Variants in LAMA2 observed in about 807,000 individuals in gnomAD.
LAMA2 encodes laminin subunit alpha-2.
A neutral mutation model predicts 364.8 loss-of-function variants in LAMA2; 269 were observed. The observed-to-expected ratio is 0.74, with a 90% CI of 0.67 to 0.82. The LOEUF is 0.82. Ranked by LOEUF, LAMA2 falls within the 40% of genes least tolerant of loss-of-function variation. LAMA2 has a pLI of 0.00. For synonymous variants in LAMA2, 1,379 were observed against 1,370.6 expected (o/e 1.01, Z -0.14); for missense variants, 3,807 against 3,873.2 (o/e 0.98, Z 0.45).
intron 58 of LAMA2, among the ~76,000 whole-genome samples, chr6:129,499,592 TA>T (rs1785464440): frequency 6.6e-6 from 1 of 152,136 alleles, no homozygotes; most frequent in African/African-American, 2.4e-5. Flanking sequence ...TTTAAAATGC[TA>T]GAAGGAAAAA....
Position 129,149,177 on chromosome 6 carries a change from C to T in LAMA2, c.1027+81C>T, listed in dbSNP as rs1433458286. The stretch of plus-strand genomic sequence containing the variant: ...CCAGTAATGAAAAATAGTGAAATGG[C>T]TGGTTATGCAAATGTGTCAACAAAT... On this transcript the variant is annotated intron_variant, in intron 7 of 64. Coordinates refer to ENST00000421865, the MANE Select transcript of LAMA2 (RefSeq NM_000426.4). 11 of 864,008 alleles carry T rather than the reference C, an allele frequency of 1.3e-5. No homozygotes were observed. The East Asian group carries it at 1.9e-4, about 15-fold the overall frequency. 53.5% of individuals were successfully genotyped at this position (864,008 alleles called of 1,614,324 possible).
chr6:129,329,393 T>G (rs893478657), intron 29 of LAMA2, among the ~76,000 whole-genome samples: 6 of 151,980 alleles, frequency 3.9e-5, no homozygotes, highest in Non-Finnish European at 7.4e-5. Flanking sequence ...AGATGCTGAC[T>G]CACTCTGTCG....
In LAMA2 at chr6:129,391,735, G is replaced by A. The variant is rs540078865; in HGVS notation, c.5234+82G>A. The A allele has an allele frequency of 5.6e-4, 685 of 1,219,474 alleles. 11 individuals carry two copies. In the South Asian group the frequency reaches 7.2e-3, roughly 13 times the overall value. 75.5% of individuals were successfully genotyped at this position (1,219,474 alleles called of 1,614,324 possible). A position where few individuals can be genotyped will look rare whatever the true frequency, so the allele number is the denominator to read the frequency against. ...ACAGTTTTCTAAATTTTTATCACAC[G>A]TATAAGTAAAAGATGCTTTGTTTTT... On this transcript the variant is annotated intron_variant, in intron 36 of 64. Transcript: ENST00000421865.
intron 3 of LAMA2, among the ~76,000 whole-genome samples, chr6:129,070,054 G>A (rs1401668780): frequency 3.3e-5 from 5 of 152,006 alleles, no homozygotes; most frequent in Non-Finnish European, 5.9e-5. Context: ...GGAGAAAGGA[G>A]GAGCTATAAG....
intron 29 of LAMA2, among the ~76,000 whole-genome samples, chr6:129,334,311 C>G (rs745706621): frequency 3.3e-5 from 5 of 152,166 alleles, no homozygotes; most frequent in African/African-American, 1.2e-4. Context: ...TGAGCCTACT[C>G]AATTTATTTA....
At chr6:129,048,716 G>T (rs1363235974) in intron 1 of LAMA2, among the ~76,000 whole-genome samples, 1 of 151,338 alleles carries the variant, frequency 6.6e-6, no homozygotes, top group Admixed American at 6.6e-5. Flanking sequence ...CCGGGCTCAA[G>T]CAATTCTCCT....
chr6:129,324,279 A>T (rs1168225224), intron 28 of LAMA2, among the ~76,000 whole-genome samples: 1 of 152,240 alleles, frequency 6.6e-6, no homozygotes, highest in African/African-American at 2.4e-5. Context: ...AACATGCTTT[A>T]TCTCAAGTAA....
chr6:129,323,474 G>C (rs951252739), intron 28 of LAMA2, among the ~76,000 whole-genome samples: 4 of 151,988 alleles, frequency 2.6e-5, no homozygotes, highest in Admixed American at 2.0e-4. Flanking sequence ...GTGCAGGCCT[G>C]GTCATTAAAA....
At chr6:129,102,934 G>C (rs114085918) in intron 4 of LAMA2, among the ~76,000 whole-genome samples, 1,912 of 152,242 alleles carry the variant, frequency 0.013, 38 homozygotes, top group African/African-American at 0.044. Flanking sequence ...CTTATCTTTG[G>C]AGTCCAAGCC....
intron 1 of LAMA2, among the ~76,000 whole-genome samples, chr6:129,005,534 T>A (rs1407480897): frequency 4.6e-5 from 7 of 151,942 alleles, no homozygotes; most frequent in Admixed American, 3.9e-4. Flanking sequence ...GATTTCTCAT[T>A]ACTTTCAAGT....
rs144448521 is a variant in LAMA2 at position 129,486,599 on chromosome 6, C to T, written c.7875C>T (p.Ser2625=). 19 of 1,613,816 alleles carry T rather than the reference C, an allele frequency of 1.2e-5. No homozygotes were observed. Among genetic ancestry groups the T allele is most frequent in the South Asian group, 5.5e-5 (5 of 91,076 alleles). Reference sequence around the variant, plus strand: ...TGTTTCATGATGGAAGAGAACATTCCGTTCATGTAGAGCGAACTAGAGGGT... The same window carrying T: ...TGTTTCATGATGGAAGAGAACATTCTGTTCATGTAGAGCGAACTAGAGGGT... ...PNLFHDGREH[S]VHVERTRGIF... The change falls in exon 56 of 65, where the codon TCC becomes TCT. Residue 2625 remains serine (S), a synonymous_variant. Transcript: ENST00000421865.
At chr6:129,182,296 T>A (rs568690270) in intron 10 of LAMA2, among the ~76,000 whole-genome samples, 1 of 151,706 alleles carries the variant, frequency 6.6e-6, no homozygotes, top group Non-Finnish European at 1.5e-5. Context: ...TTAATAGAGT[T>A]AATTAGTACC....
At chr6:129,267,279 C>T (rs1413615699) in intron 16 of LAMA2, 60 bp downstream of exon 16, 6 of 1,122,568 alleles carry the variant, frequency 5.3e-6, no homozygotes, top group Non-Finnish European at 1.4e-6. Context: ...TCGACAGATG[C>T]TACAATTCAG....
chr6:129,221,834 T>A (rs1180969108), intron 12 of LAMA2, among the ~76,000 whole-genome samples: 1 of 152,180 alleles, frequency 6.6e-6, no homozygotes, highest in African/African-American at 2.4e-5. Context: ...CGACAGCAGA[T>A]GCCTATCCAG....
intron 1 of LAMA2, among the ~76,000 whole-genome samples, chr6:129,036,266 T>C (rs1375844540): frequency 2.6e-5 from 4 of 152,168 alleles, no homozygotes; most frequent in Non-Finnish European, 5.9e-5. Flanking sequence ...TTTTCTTATG[T>C]ATGTCTAAAT....
At chr6:128,895,317 T>C (rs1425107293) in intron 1 of LAMA2, among the ~76,000 whole-genome samples, 1 of 152,018 alleles carries the variant, frequency 6.6e-6, no homozygotes, top group Non-Finnish European at 1.5e-5. Context: ...GGACATATGA[T>C]GTTATTCCTA....
chr6:129,308,358 C>G (rs994510667), intron 22 of LAMA2, among the ~76,000 whole-genome samples: 2 of 152,162 alleles, frequency 1.3e-5, no homozygotes. Flanking sequence ...GGGAAACTTA[C>G]AAGAGTTCCG....
intron 23 of LAMA2, 98 bp from the exon 24 acceptor site, chr6:129,314,557 A>T: frequency 3.5e-6 from 4 of 1,152,188 alleles, no homozygotes; most frequent in Non-Finnish European, 5.1e-6. Flanking sequence ...TTTGTTTTAA[A>T]TTTTTTAAAA....
intron 58 of LAMA2, among the ~76,000 whole-genome samples, chr6:129,492,975 T>A (rs1345860664): frequency 1.3e-5 from 2 of 151,910 alleles, no homozygotes; most frequent in African/African-American, 4.8e-5. Context: ...GCAACCACGG[T>A]GAAACCCCGT....
Sources: gnomAD v4.1 joint callset for allele counts (sites outside exome capture counted in the v4.1 genomes callset) on GRCh38, gnomAD v4.1.1 for gene constraint, MANE v1.5 for transcripts, NCBI Gene and HGNC (gene_info 2026-07-23, HGNC 2026-07-21) for gene names.